The following GPN1 variants were observed in gnomAD, a reference collection of about 807,000 sequenced individuals.
GPN1 encodes the protein GPN-loop GTPase 1, also known as ATP(GTP)-binding protein.
GPN1 carries 44 observed loss-of-function variants against 55.9 expected under a neutral mutation model. The ratio of observed to expected loss-of-function variants is 0.79; its 90% CI spans 0.62 to 1.01. The LOEUF (loss-of-function observed/expected upper bound fraction) is 1.01. GPN1 is among the 50% of genes least tolerant of loss of function. The pLI is 0.00. For synonymous variants in GPN1, 179 were observed against 162.5 expected (o/e 1.10, Z -0.77); for missense variants, 466 against 462.8 (o/e 1.01, Z -0.06).
At chr2:27,649,523 C>CT (rs376145126) in intron 13 of GPN1, among the ~76,000 whole-genome samples, 3 of 151,946 alleles carry the variant, frequency 2.0e-5, no homozygotes, top group African/African-American at 7.3e-5. Context: ...CCTCATGCCC[C>CT]TTTTTTTTCA....
At chr2:27,635,380 G>A in intron 7 of GPN1, 146 bp downstream of exon 7, 1 of 596,456 alleles carries the variant, frequency 1.7e-6, no homozygotes, top group South Asian at 2.2e-5. Flanking sequence ...GAGTGGCTGT[G>A]AGCTGGGGAA....
chr2:27,648,921 G>A (rs902530552), intron 13 of GPN1, among the ~76,000 whole-genome samples: 20 of 151,382 alleles, frequency 1.3e-4, no homozygotes, highest in African/African-American at 4.4e-4. Context: ...ACAGGCATGA[G>A]CCACCATGCC....
chr2:27,633,513 T>C (rs1016444669), intron 5 of GPN1, among the ~76,000 whole-genome samples: 6 of 152,156 alleles, frequency 3.9e-5, no homozygotes, highest in Admixed American at 1.3e-4. Flanking sequence ...TCTCGCTCTA[T>C]TGCCTAGGCT....
At position 27,638,227 on chromosome 2, in the gene GPN1, A is replaced by G. The variant is rs748913982; in HGVS notation, c.542A>G (p.Lys181Arg). 1 of 1,574,706 alleles carries G rather than the reference A, an allele frequency of 6.4e-7. No homozygotes were observed. The highest frequency in any genetic ancestry group is 8.7e-7 in the Non-Finnish European group (1 of 1,144,172). The change falls in exon 8 of 14, where the codon AAG becomes AGG. Residue 181 changes from lysine (K) to arginine (R), a missense_variant. By Grantham distance (26) the Lys-to-Arg change is conservative (BLOSUM62 2). Coordinates refer to ENST00000610189, the MANE Select transcript of GPN1 (RefSeq NM_007266.4). ...GTTTTCAGCATCTTATACAAAACCA[A>G]GCTGCCTTTCATTGTGGTCATGAAT... ...LYACSILYKT[K>R]LPFIVVMNKT... is the part of the protein sequence containing the mutation.
At position 27,641,234 on chromosome 2, in the gene GPN1, T is replaced by G; in HGVS notation, c.801-6T>G. ...AAAGGAATTTAGAAAGTGTTTCTCT[T>G]TACAGGGAGTATCGTCCTGAATATG... On this transcript the variant is annotated splice_region_variant and splice_polypyrimidine_tract_variant and intron_variant, in intron 10 of 13. Coordinates refer to ENST00000610189, the MANE Select transcript of GPN1 (RefSeq NM_007266.4). The G allele has an allele frequency of 6.3e-7, 1 of 1,597,608 alleles. No individual in the cohort carries two copies. The highest frequency in any genetic ancestry group is 8.6e-7 in the Non-Finnish European group (1 of 1,165,306).
rs758480925 is a variant in GPN1 at position 27,629,108 on chromosome 2, G to T, written c.50G>T (p.Arg17Leu). 11 of 1,614,128 alleles carry T rather than the reference G, an allele frequency of 6.8e-6. No individual in the cohort carries two copies. In the Admixed American group the frequency reaches 1.7e-4, roughly 24 times the overall value. The change falls in exon 1 of 14, where the codon CGG becomes CTG. Residue 17 changes from arginine (R) to leucine (L), a missense_variant. Coordinates refer to ENST00000610189, the MANE Select transcript of GPN1 (RefSeq NM_007266.4). ...AAELQASGGP[R>L]HPVCLLVLGM... ...GAGCTCCAGGCTTCTGGGGGTCCGCGGCACCCAGTGTGTCTGTTGGTGTTG... is the reference window on the plus strand; with the variant it reads ...GAGCTCCAGGCTTCTGGGGGTCCGCTGCACCCAGTGTGTCTGTTGGTGTTG...
At chr2:27,629,809 C>T (rs372745887) in intron 1 of GPN1, 50 bp from the exon 2 acceptor site, 27 of 985,496 alleles carry the variant, frequency 2.7e-5, no homozygotes, top group Non-Finnish European at 4.0e-5. Context: ...TGGAAGTTCT[C>T]TCTTGTCCCC....
intron 2 of GPN1, among the ~76,000 whole-genome samples, chr2:27,630,176 A>G (rs1673480719): frequency 6.6e-6 from 1 of 151,948 alleles, no homozygotes; most frequent in African/African-American, 2.4e-5. Flanking sequence ...AATTCCAGCT[A>G]CTCGGGAGGC....
rs1674317246 is a variant in GPN1, at chr2:27,647,911, C to T, written c.1007C>T (p.Ala336Val). 4 of 1,612,334 alleles carry T rather than the reference C, an allele frequency of 2.5e-6. No individual in the cohort carries two copies. The South Asian group carries it at 4.4e-5, about 18-fold the overall frequency. ...ACCTTGGATGAAGAGGATGAGGAAG[C>T]AGACAGCGATACTGATGACATTGAC... is the stretch of plus-strand genomic sequence containing the variant. ...RGTLDEEDEE[A>V]DSDTDDIDHR... The change falls in exon 13 of 14, where the codon GCA becomes GTA. Residue 336 changes from alanine (A) to valine (V), a missense_variant. Transcript: ENST00000610189.
At position 27,650,275 on chromosome 2, in the gene GPN1, T is replaced by G; in HGVS notation, c.*75T>G. ...TCCACGTGAAAGAACTGTTCTTACC[T>G]CTGAACTGGGGGCTCCCATAAGGGA... On this transcript the variant is annotated 3_prime_UTR_variant, in exon 14 of 14. Transcript: ENST00000610189. 1.2e-6 allele frequency: 1 copy of G among 804,166 alleles called. No homozygotes were observed. The highest frequency in any genetic ancestry group is 2.1e-6 in the Non-Finnish European group (1 of 474,816). 49.8% of individuals were successfully genotyped at this position (804,166 alleles called of 1,614,324 possible).
At chr2:27,638,744 G>A in intron 8 of GPN1, 141 bp from the exon 9 acceptor site, 1 of 655,072 alleles carries the variant, frequency 1.5e-6, no homozygotes, top group Admixed American at 3.0e-5. Flanking sequence ...GTTCTTTGTG[G>A]CTTGTTGCAA....
intron 12 of GPN1, 36 bp from the exon 13 acceptor site, chr2:27,647,800 G>A (rs760250845): frequency 8.3e-7 from 1 of 1,203,956 alleles, no homozygotes; most frequent in Non-Finnish European, 1.2e-6. Flanking sequence ...TCACCTTTTT[G>A]AGGAGGCATA....
chr2:27,641,744 C>T (rs1162631445), intron 11 of GPN1, among the ~76,000 whole-genome samples: 1 of 152,140 alleles, frequency 6.6e-6, no homozygotes, highest in Non-Finnish European at 1.5e-5. Context: ...CATGTATGTA[C>T]CACATGCCTG....
chr2:27,635,300 CT>C (rs57185039), intron 7 of GPN1, 66 bp downstream of exon 7: 25,254 of 514,144 alleles, frequency 0.049, 1 homozygote, highest in Middle Eastern at 0.1. Context: ...TCTTCTTCCT[CT>C]TTTTTTTTTT....
chr2:27,635,062 G>A (rs1408754240), intron 6 of GPN1, 78 bp from the exon 7 acceptor site: 15 of 1,037,434 alleles, frequency 1.4e-5, no homozygotes, highest in Non-Finnish European at 2.1e-5. Flanking sequence ...GTTTTCCCTT[G>A]TTAAGGATGG....
upstream of GPN1, chr2:27,628,481 G>C (rs149819301): frequency 1.5e-3 from 2,278 of 1,551,476 alleles, 36 homozygotes; most frequent in African/African-American, 0.027. Context: ...CTAGCATCAG[G>C]AACCTGCGTC....
intron 7 of GPN1, among the ~76,000 whole-genome samples, chr2:27,637,604 T>A (rs2148070280): frequency 6.6e-6 from 1 of 152,344 alleles, no homozygotes; most frequent in East Asian, 1.9e-4. Flanking sequence ...CAAATAAAAA[T>A]TGTATATATT....
chr2:27,628,603 G>A, upstream of GPN1: 1 of 1,551,578 alleles, frequency 6.4e-7, no homozygotes, highest in South Asian at 1.2e-5. Context: ...CCCTGCTCCA[G>A]TCCCGGCTGG....
chr2:27,629,270 G>C (rs7572363), intron 1 of GPN1, 101 bp downstream of exon 1: 2 of 1,486,802 alleles, frequency 1.3e-6, no homozygotes, highest in Non-Finnish European at 1.8e-6. Context: ...GGAGGGTACC[G>C]GCGCATGGCT....
Sources: allele counts gnomAD v4.1 joint callset (sites outside exome capture counted in the v4.1 genomes callset), GRCh38; gene constraint gnomAD v4.1.1; transcripts MANE v1.5; gene names NCBI Gene and HGNC (gene_info 2026-07-23, HGNC 2026-07-21).